Variants in FAR2 observed in about 807,000 individuals in gnomAD.
FAR2 encodes the protein epididymis secretory protein Li 81.
FAR2 carries 19 observed loss-of-function variants against 56.0 expected under a neutral mutation model. That is an observed-to-expected ratio of 0.34 (90% CI 0.24 to 0.50). The LOEUF (loss-of-function observed/expected upper bound fraction) is 0.50, where lower values mean the gene tolerates loss of function less well. FAR2 is among the 20% of genes least tolerant of loss of function. The probability of loss-of-function intolerance (pLI) is 0.98; values close to 1 mark genes in which losing one functional copy is unlikely to be tolerated. For synonymous variants in FAR2, 219 were observed against 218.8 expected (o/e 1.00, Z -0.01); for missense variants, 508 against 642.2 (o/e 0.79, Z 2.26).
At chr12:29,189,476 C>A (rs568416094) in intron 1 of FAR2, among the ~76,000 whole-genome samples, 1 of 152,236 alleles carries the variant, frequency 6.6e-6, no homozygotes, top group South Asian at 2.1e-4. Flanking sequence ...GTGCTAGAAT[C>A]AGCCATTTCT....
chr12:29,286,080 CACACACACAT>C (rs951373258), intron 2 of FAR2, among the ~76,000 whole-genome samples: 11 of 151,880 alleles, frequency 7.2e-5, no homozygotes, highest in African/African-American at 2.7e-4. Flanking sequence ...CACACACACA[CACACACACAT>C]ACACACACAC....
At chr12:29,291,578 T>C (rs965194237) in intron 2 of FAR2, 3 of 409,952 alleles carry the variant, frequency 7.3e-6, no homozygotes, top group African/African-American at 2.1e-5. Flanking sequence ...GAAATACAGA[T>C]TCCTGGGTGT....
At chr12:29,262,979 A>G (rs1003992243) in intron 1 of FAR2, among the ~76,000 whole-genome samples, 1 of 152,226 alleles carries the variant, frequency 6.6e-6, no homozygotes, top group South Asian at 2.1e-4. Flanking sequence ...ATGGAAACCA[A>G]AAAATAACAC....
intron 1 of FAR2, among the ~76,000 whole-genome samples, chr12:29,158,442 G>A (rs1300014395): frequency 6.6e-6 from 1 of 152,240 alleles, no homozygotes; most frequent in Non-Finnish European, 1.5e-5. Flanking sequence ...ATCCAAATGA[G>A]CAGTTTGCTT....
intron 2 of FAR2, among the ~76,000 whole-genome samples, chr12:29,279,950 A>G (rs146129372): frequency 1.6e-3 from 242 of 149,006 alleles, no homozygotes; most frequent in African/African-American, 5.8e-3. Context: ...TTTGAGATGA[A>G]GTCTAGCTCT....
intron 2 of FAR2, among the ~76,000 whole-genome samples, chr12:29,272,031 C>A (rs1040102482): frequency 6.6e-6 from 1 of 152,182 alleles, no homozygotes; most frequent in African/African-American, 2.4e-5. Context: ...TGACATAGAA[C>A]CAAAACCTAG....
chr12:29,318,401 G>C (rs1038617500), intron 9 of FAR2, among the ~76,000 whole-genome samples: 2 of 152,172 alleles, frequency 1.3e-5, no homozygotes, highest in African/African-American at 4.8e-5. Flanking sequence ...ATCAGGATTG[G>C]AAGAGGGCCT....
At chr12:29,167,935 G>A (rs1054426480) in intron 1 of FAR2, among the ~76,000 whole-genome samples, 1 of 152,114 alleles carries the variant, frequency 6.6e-6, no homozygotes, top group Non-Finnish European at 1.5e-5. Context: ...GGAATTGTGG[G>A]AAAAAAATTC....
chr12:29,250,405 T>G (rs1410048749), intron 1 of FAR2, among the ~76,000 whole-genome samples: 1 of 152,164 alleles, frequency 6.6e-6, no homozygotes, highest in Non-Finnish European at 1.5e-5. Context: ...GAAAACTGAA[T>G]CTCAGATCTT....
chr12:29,215,320 G>A (rs1947609716), intron 1 of FAR2, among the ~76,000 whole-genome samples: 1 of 152,120 alleles, frequency 6.6e-6, no homozygotes, highest in South Asian at 2.1e-4. Flanking sequence ...CAACAAAGAG[G>A]TAGAAACAAA....
At chr12:29,331,323 C>T (rs1160381572) in intron 10 of FAR2, 6 of 151,582 alleles carry the variant, frequency 4.0e-5, no homozygotes, top group Admixed American at 6.6e-5. Flanking sequence ...ACCTTAAACA[C>T]ACCCTCCACT....
chr12:29,291,657 A>G (rs769671681), intron 2 of FAR2, among the ~76,000 whole-genome samples: 2 of 152,222 alleles, frequency 1.3e-5, no homozygotes, highest in Non-Finnish European at 2.9e-5. Context: ...TTATGCTACT[A>G]GTGATTCCAA....
chr12:29,293,108 C>T (rs1948999668), intron 2 of FAR2, 192 bp from the exon 3 acceptor site: 1 of 419,958 alleles, frequency 2.4e-6, no homozygotes, highest in Non-Finnish European at 4.2e-6. Flanking sequence ...CTCAAGTGAT[C>T]TCCCTGCTTT....
At chr12:29,232,933 T>C (rs554477627) in intron 1 of FAR2, among the ~76,000 whole-genome samples, 1 of 152,222 alleles carries the variant, frequency 6.6e-6, no homozygotes, top group East Asian at 1.9e-4. Flanking sequence ...AACTCTGGAA[T>C]CTTGAATTTC....
chr12:29,185,025 C>G (rs549318813), intron 1 of FAR2, among the ~76,000 whole-genome samples: 1 of 152,168 alleles, frequency 6.6e-6, no homozygotes, highest in African/African-American at 2.4e-5. Flanking sequence ...GTGATAATGT[C>G]TGTTTCATAG....
chr12:29,230,762 T>C (rs769434653), intron 1 of FAR2, among the ~76,000 whole-genome samples: 11 of 152,088 alleles, frequency 7.2e-5, no homozygotes, highest in Non-Finnish European at 1.6e-4. Flanking sequence ...AAGGGTGGCC[T>C]CAACATCTTT....
At chr12:29,235,329 A>G (rs1947923601) in intron 1 of FAR2, among the ~76,000 whole-genome samples, 2 of 152,230 alleles carry the variant, frequency 1.3e-5, no homozygotes, top group South Asian at 2.1e-4. Flanking sequence ...CTGGGATTTA[A>G]TAAGTGCCAA....
At chr12:29,293,607 C>T (rs1299117651) in intron 3 of FAR2, 132 bp downstream of exon 3, 1 of 760,290 alleles carries the variant, frequency 1.3e-6, no homozygotes, top group African/African-American at 1.8e-5. Flanking sequence ...CCTCCAAAAT[C>T]CCACCATCTA....
chr12:29,250,664 C>T (rs1382746559), intron 1 of FAR2, among the ~76,000 whole-genome samples: 1 of 152,184 alleles, frequency 6.6e-6, no homozygotes, highest in Non-Finnish European at 1.5e-5. Context: ...CAATACAACT[C>T]CCTTTCCATC....
Sources: allele counts gnomAD v4.1 joint callset (sites outside exome capture counted in the v4.1 genomes callset), GRCh38; gene constraint gnomAD v4.1.1; transcripts MANE v1.5; gene names NCBI Gene and HGNC (gene_info 2026-07-23, HGNC 2026-07-21).